PTN: variants seen among roughly 807,000 people sequenced by gnomAD.
PTN encodes the protein pleiotrophin.
A neutral mutation model predicts 24.1 loss-of-function variants in PTN; 18 were observed. The observed-to-expected ratio is 0.75, with a 90% CI of 0.52 to 1.11. The LOEUF is 1.11. PTN is among the 50% of genes least tolerant of loss of function. The pLI, the probability that PTN is intolerant of heterozygous loss-of-function variation, is 0.00. For missense variants in PTN, 163 were observed against 198.8 expected (o/e 0.82, Z 1.08); for synonymous variants, 78 against 68.6 (o/e 1.14, Z -0.67).
chr7:137,233,913 C>CATATATGT (rs1237666578), intron 4 of PTN, among the ~76,000 whole-genome samples: 2 of 145,464 alleles, frequency 1.4e-5, no homozygotes, highest in African/African-American at 2.6e-5. Flanking sequence ...CACACACATA[C>CATATATGT]ATATATGTAT....
intron 1 of PTN, among the ~76,000 whole-genome samples, chr7:137,285,501 A>G (rs1809539124): frequency 6.6e-6 from 1 of 152,152 alleles, no homozygotes; most frequent in East Asian, 1.9e-4. Context: ...CCCCGTCTCT[A>G]CTAAAAATAC....
intron 4 of PTN, among the ~76,000 whole-genome samples, chr7:137,228,824 C>T (rs6969960): frequency 0.018 from 2,670 of 151,938 alleles, 70 homozygotes; most frequent in African/African-American, 0.062. Flanking sequence ...GAATAGAACA[C>T]ATCTAATTTG....
intron 1 of PTN, among the ~76,000 whole-genome samples, chr7:137,339,976 T>A (rs1423581932): frequency 2.0e-5 from 3 of 152,224 alleles, no homozygotes; most frequent in Non-Finnish European, 4.4e-5. Context: ...AAGATTAATA[T>A]ACAGCGCTTG....
At chr7:137,285,897 A>C (rs1809546282) in intron 1 of PTN, among the ~76,000 whole-genome samples, 1 of 152,254 alleles carries the variant, frequency 6.6e-6, no homozygotes, top group Non-Finnish European at 1.5e-5. Context: ...CCAATGAAAC[A>C]ATAGCATGTG....
chr7:137,232,103 C>T (rs529047412), intron 4 of PTN, among the ~76,000 whole-genome samples: 1 of 152,018 alleles, frequency 6.6e-6, no homozygotes, highest in Admixed American at 6.6e-5. Flanking sequence ...AGAGCCAAAT[C>T]AAGAGAAGGA....
chr7:137,252,069 A>C (rs1274605717), intron 3 of PTN, among the ~76,000 whole-genome samples: 1 of 151,954 alleles, frequency 6.6e-6, no homozygotes, highest in African/African-American at 2.4e-5. Context: ...GCTGTGTTAC[A>C]TGGTAAATGC....
intron 1 of PTN, among the ~76,000 whole-genome samples, chr7:137,316,060 C>T (rs573621295): frequency 6.6e-6 from 1 of 152,242 alleles, no homozygotes; most frequent in East Asian, 1.9e-4. Context: ...CTCCTCTTGC[C>T]TGCTGCATCT....
At chr7:137,230,968 C>G (rs1808417322) in intron 4 of PTN, among the ~76,000 whole-genome samples, 1 of 151,840 alleles carries the variant, frequency 6.6e-6, no homozygotes, top group Non-Finnish European at 1.5e-5. Context: ...CCCCACACTT[C>G]CACTACGACA....
chr7:137,250,662 T>C (rs1006619126), intron 4 of PTN, among the ~76,000 whole-genome samples: 1 of 152,210 alleles, frequency 6.6e-6, no homozygotes, highest in African/African-American at 2.4e-5. Context: ...GAGCAGAGCC[T>C]GACTTTCTGG....
chr7:137,228,475 C>T (rs534407347), intron 4 of PTN, among the ~76,000 whole-genome samples: 20 of 151,910 alleles, frequency 1.3e-4, no homozygotes, highest in South Asian at 1.0e-3. Context: ...TGGAAAACTA[C>T]AAGAGCTCTG....
chr7:137,333,414 C>A (rs887461284), intron 1 of PTN, among the ~76,000 whole-genome samples: 3 of 152,150 alleles, frequency 2.0e-5, no homozygotes, highest in African/African-American at 7.2e-5. Flanking sequence ...TTCTGTGTTA[C>A]CTAAGACTGT....
At chr7:137,257,132 C>T (rs1408265823) in intron 1 of PTN, among the ~76,000 whole-genome samples, 3 of 152,128 alleles carry the variant, frequency 2.0e-5, no homozygotes, top group Non-Finnish European at 4.4e-5. Flanking sequence ...GCATATTTCA[C>T]TTATCAATTA....
At chr7:137,324,391 T>C (rs920629487) in intron 1 of PTN, among the ~76,000 whole-genome samples, 6 of 126,826 alleles carry the variant, frequency 4.7e-5, no homozygotes, top group Non-Finnish European at 9.2e-5. Context: ...CACTCCAGCC[T>C]GGGCAGCACA....
At chr7:137,306,753 A>C (rs1809895646) in intron 1 of PTN, among the ~76,000 whole-genome samples, 1 of 152,126 alleles carries the variant, frequency 6.6e-6, no homozygotes, top group Non-Finnish European at 1.5e-5. Context: ...ACAGCCCTTG[A>C]GCTAAATATA....
intron 1 of PTN, among the ~76,000 whole-genome samples, chr7:137,284,986 T>C (rs1454183695): frequency 6.6e-6 from 1 of 152,200 alleles, no homozygotes; most frequent in Admixed American, 6.5e-5. Flanking sequence ...CTTAAATAAA[T>C]ATTAGAAGGT....
chr7:137,284,006 G>A (rs1306646893), intron 1 of PTN, among the ~76,000 whole-genome samples: 1 of 110,048 alleles, frequency 9.1e-6, no homozygotes, highest in African/African-American at 3.7e-5. Context: ...AGTCTCTGTC[G>A]CCCAGGCTGG....
At chr7:137,284,284 G>A (rs1218599819) in intron 1 of PTN, among the ~76,000 whole-genome samples, 1 of 151,956 alleles carries the variant, frequency 6.6e-6, no homozygotes, top group Non-Finnish European at 1.5e-5. Flanking sequence ...TGGTATGTAC[G>A]AATTGATTGC....
chr7:137,296,035 G>A (rs1452295218), intron 1 of PTN, among the ~76,000 whole-genome samples: 2 of 152,010 alleles, frequency 1.3e-5, no homozygotes, highest in African/African-American at 4.8e-5. Context: ...AGACAGTAGA[G>A]TTTAATTGGA....
At chr7:137,241,721 G>A (rs142311143) in intron 4 of PTN, among the ~76,000 whole-genome samples, 2 of 152,206 alleles carry the variant, frequency 1.3e-5, no homozygotes, top group African/African-American at 4.8e-5. Context: ...TAAAACATAG[G>A]TGTTGAAAGA....
Sources: gnomAD v4.1 joint callset for allele counts (sites outside exome capture counted in the v4.1 genomes callset) on GRCh38, gnomAD v4.1.1 for gene constraint, MANE v1.5 for transcripts, NCBI Gene and HGNC (gene_info 2026-07-23, HGNC 2026-07-21) for gene names.